DMXL1: variants seen among roughly 807,000 people sequenced by gnomAD.
DMXL1 encodes the protein Dmx like 1.
Under a neutral mutation model 319.2 loss-of-function variants are expected in DMXL1, and 99 were observed. The observed-to-expected ratio is 0.31, with a 90% confidence interval of 0.26 to 0.37. The LOEUF (loss-of-function observed/expected upper bound fraction) is 0.37. Among genes scored for constraint, DMXL1 ranks in the 10% least tolerant of loss-of-function variants. The pLI is 1.00. For synonymous variants in DMXL1, 1,385 were observed against 1,235.2 expected (o/e 1.12, Z -2.54); for missense variants, 3,745 against 3,595.6 (o/e 1.04, Z -1.06).
intron 38 of DMXL1, among the ~76,000 whole-genome samples, chr5:119,228,614 AT>A (rs1465691278): frequency 2.0e-5 from 3 of 152,196 alleles, no homozygotes; most frequent in Non-Finnish European, 4.4e-5. Flanking sequence ...ATTAAGCCTA[AT>A]TATTTTAACA....
At chr5:119,167,933 C>G in intron 23 of DMXL1, 69 bp downstream of exon 23, 1 of 1,446,200 alleles carries the variant, frequency 6.9e-7, no homozygotes, top group Admixed American at 2.2e-5. Flanking sequence ...GCAGATCACT[C>G]TATTAGGTGG....
At chr5:119,210,293 T>A (rs1782519700) in intron 34 of DMXL1, among the ~76,000 whole-genome samples, 1 of 152,202 alleles carries the variant, frequency 6.6e-6, no homozygotes, top group Non-Finnish European at 1.5e-5. Context: ...TTTGATGATG[T>A]CTAATGTATT....
At chr5:119,092,903 T>C (rs1208691383) in intron 1 of DMXL1, among the ~76,000 whole-genome samples, 2 of 152,286 alleles carry the variant, frequency 1.3e-5, no homozygotes, top group Non-Finnish European at 2.9e-5. Context: ...TGACAGTTGA[T>C]GGACATTTGA....
chr5:119,220,578 A>G lies in DMXL1; in HGVS notation c.8120A>G (p.Glu2707Gly). Reference sequence around the variant, plus strand: ...TACACTTGGGTAGATGATGATATAGAAGTGGAAACCAAAGGGTACCTTCAT... The same window carrying G: ...TACACTTGGGTAGATGATGATATAGGAGTGGAAACCAAAGGGTACCTTCAT... The part of the protein sequence containing the change: ...QVYTWVDDDI[E>G]VETKGSEDFL... Residue 2707 changes from glutamate to glycine, a missense_variant, in exon 36 of 44, where the codon GAA becomes GGA. By Grantham distance (98) the Glu-to-Gly change is moderately conservative (BLOSUM62 -2). Coordinates refer to ENST00000539542, the MANE Select transcript of DMXL1 (RefSeq NM_001290321.3). 3.7e-6 allele frequency: 6 copies of G among 1,613,408 alleles called. No individual in the cohort carries two copies. Among genetic ancestry groups the G allele is most frequent in the Non-Finnish European group, 5.1e-6 (6 of 1,179,788 alleles).
In DMXL1 at chr5:119,077,674, A is replaced by G. The variant is rs865954945; in HGVS notation, c.87+6018A>G. On this transcript the variant is annotated intron_variant, in intron 1 of 43. Coordinates refer to ENST00000539542, the MANE Select transcript of DMXL1 (RefSeq NM_001290321.3). The stretch of plus-strand genomic sequence containing the variant: ...TTTGTATATGTGTGTGTGTATATAT[A>G]TGTGTGTGTGTGTGTGTGTGTATGT... 6.6e-4 allele frequency among the ~76,000 whole-genome samples: 78 copies of G among 118,894 alleles called. 1 individual carries two copies. The highest frequency in any genetic ancestry group is 1.9e-3 in the Admixed American group (22 of 11,554). The allele number at this position is 118,894 out of a possible 152,430, so 78.0% of individuals were successfully genotyped here. A position where few individuals can be genotyped will look rare whatever the true frequency, so the allele number is the denominator to read the frequency against.
intron 24 of DMXL1, 101 bp downstream of exon 24, chr5:119,171,381 G>T: frequency 8.2e-7 from 1 of 1,213,454 alleles, no homozygotes; most frequent in Non-Finnish European, 1.1e-6. Flanking sequence ...TCTTTATTAC[G>T]GTTGCTTTAG....
intron 17 of DMXL1, 31 bp from the exon 18 acceptor site, chr5:119,148,708 A>G (rs1467839188): frequency 6.3e-7 from 1 of 1,575,804 alleles, no homozygotes; most frequent in African/African-American, 1.4e-5. Context: ...ACCAAATTTG[A>G]CATTTTGTTA....
At chr5:119,122,447 C>A (rs11738650) in intron 9 of DMXL1, among the ~76,000 whole-genome samples, 1 of 149,566 alleles carries the variant, frequency 6.7e-6, no homozygotes, top group African/African-American at 2.4e-5. Context: ...GGGCTAACCC[C>A]CCCCACCTCC....
chr5:119,173,776 G>GTATATATATATATATA (rs758312462), intron 25 of DMXL1, among the ~76,000 whole-genome samples: 829 of 67,102 alleles, frequency 0.012, 84 homozygotes, highest in East Asian at 0.079. Flanking sequence ...ATGTGTGTGT[G>GTATATATATATATATA]TATATATATA....
At position 119,071,106 on chromosome 5, in the gene DMXL1, C is replaced by T. The variant is rs374030459; in HGVS notation, c.-464C>T. Reference sequence around the variant, plus strand: ...GGATCCAGAGGCGCGTAGTGAGTGGCGGAGGACTGTGGGGGTGGCGGGCAC... The same window carrying T: ...GGATCCAGAGGCGCGTAGTGAGTGGTGGAGGACTGTGGGGGTGGCGGGCAC... On this transcript the variant is annotated 5_prime_UTR_variant, in exon 1 of 44. Coordinates refer to ENST00000539542, the MANE Select transcript of DMXL1 (RefSeq NM_001290321.3). 5 of 178,634 alleles carry T rather than the reference C, an allele frequency of 2.8e-5. No homozygotes were observed. Among genetic ancestry groups the T allele is most frequent in the African/African-American group, 9.6e-5 (4 of 41,604 alleles). 11.1% of individuals were successfully genotyped at this position (178,634 alleles called of 1,614,324 possible).
Position 119,193,856 on chromosome 5 carries a change from C to T in DMXL1, c.7343C>T (p.Ala2448Val). 2 of 1,612,636 alleles carry T rather than the reference C, an allele frequency of 1.2e-6. No individual in the cohort carries two copies. Among genetic ancestry groups the T allele is most frequent in the South Asian group, 2.2e-5 (2 of 90,918 alleles). ...TTTCTACCCTCTTCTCAAAGTAGAG[C>T]CGAATATGATTCAGAGGAGAGTCTG... ...KPFLPSSQSR[A>V]EYDSEESLGS... The change falls in exon 30 of 44, where the codon GCC becomes GTC. Residue 2448 changes from alanine (A) to valine (V), a missense_variant. By Grantham distance (64) the Ala-to-Val change is moderately conservative (BLOSUM62 0). Coordinates refer to ENST00000539542, the MANE Select transcript of DMXL1 (RefSeq NM_001290321.3).
intron 1 of DMXL1, among the ~76,000 whole-genome samples, chr5:119,077,807 C>T (rs10072897): frequency 4.5e-5 from 6 of 134,362 alleles, no homozygotes; most frequent in African/African-American, 1.5e-4. Context: ...ACTTACCTGG[C>T]GAGACCCTAT....
chr5:119,122,443 A>T (rs1172839628), intron 9 of DMXL1, among the ~76,000 whole-genome samples: 1 of 127,184 alleles, frequency 7.9e-6, no homozygotes, highest in African/African-American at 3.1e-5. Flanking sequence ...CGGGGGGCTA[A>T]CCCCCCCCAC....
At chr5:119,128,601 G>T (rs1036080829) in intron 9 of DMXL1, among the ~76,000 whole-genome samples, 11 of 152,156 alleles carry the variant, frequency 7.2e-5, no homozygotes, top group Admixed American at 1.3e-4. Context: ...AACTGTAGAC[G>T]TTGGGTGATA....
chr5:119,136,730 C>T (rs1226341204), intron 13 of DMXL1, among the ~76,000 whole-genome samples: 1 of 152,234 alleles, frequency 6.6e-6, no homozygotes, highest in Admixed American at 6.5e-5. Flanking sequence ...AAGCCCCAAG[C>T]CTTGGCAGCT....
intron 5 of DMXL1, among the ~76,000 whole-genome samples, chr5:119,112,091 G>A (rs971298387): frequency 7.2e-5 from 11 of 152,118 alleles, no homozygotes; most frequent in African/African-American, 1.2e-4. Flanking sequence ...CTCCCAAGTA[G>A]TTGGGACTAC....
rs571466975 is a variant in DMXL1 at position 119,133,479 on chromosome 5, C to A, written c.1570-15C>A. The A allele has an allele frequency of 1.7e-4, 273 of 1,591,922 alleles. 4 individuals are homozygous for A. The South Asian group carries it at 2.9e-3, about 17-fold the overall frequency. The stretch of plus-strand genomic sequence containing the variant: ...ATAATTTTATATGTTCTAACACTTG[C>A]TTTCTTGATTCTAGGTGTCCTTTGT... On this transcript the variant is annotated splice_polypyrimidine_tract_variant and intron_variant, in intron 11 of 43. Coordinates refer to ENST00000539542, the MANE Select transcript of DMXL1 (RefSeq NM_001290321.3).
At chr5:119,116,874 A>G (rs755258491) in intron 7 of DMXL1, among the ~76,000 whole-genome samples, 24 of 152,182 alleles carry the variant, frequency 1.6e-4, no homozygotes, top group Non-Finnish European at 3.2e-4. Flanking sequence ...CCACAAAAGC[A>G]CACAGTGACA....
intron 16 of DMXL1, 45 bp downstream of exon 16, chr5:119,147,001 G>A (rs1240610237): frequency 6.3e-7 from 1 of 1,591,320 alleles, no homozygotes. Context: ...ATAGGTGTAA[G>A]TTAACAAATT....
Sources: gnomAD v4.1 joint callset for allele counts (sites outside exome capture counted in the v4.1 genomes callset) on GRCh38, gnomAD v4.1.1 for gene constraint, MANE v1.5 for transcripts, NCBI Gene and HGNC (gene_info 2026-07-23, HGNC 2026-07-21) for gene names.